PRKD1: variants seen among roughly 807,000 people sequenced by gnomAD.
The protein encoded by PRKD1 is serine/threonine-protein kinase D1.
PRKD1 carries 63 observed loss-of-function variants against 95.9 expected under a neutral mutation model. That is an observed-to-expected ratio of 0.66 (90% CI 0.54 to 0.81). PRKD1 has a LOEUF of 0.81. PRKD1 is among the 30% of genes least tolerant of loss of function. The probability of loss-of-function intolerance (pLI) is 0.00; values close to 1 mark genes in which losing one functional copy is unlikely to be tolerated. For missense variants in PRKD1, 1,048 were observed against 1,165.3 expected, an observed-to-expected ratio of 0.90 and a Z score of 1.47; for synonymous variants, 425 against 423.1, an observed-to-expected ratio of 1.00 and a Z score of -0.05.
intron 1 of PRKD1, among the ~76,000 whole-genome samples, chr14:29,867,450 C>T (rs961291016): frequency 1.3e-5 from 2 of 152,164 alleles, no homozygotes; most frequent in Non-Finnish European, 2.9e-5. Flanking sequence ...GAGAAAGATC[C>T]TGGCCTCATC....
chr14:29,655,829 C>T (rs939722009), intron 4 of PRKD1, among the ~76,000 whole-genome samples: 1 of 151,528 alleles, frequency 6.6e-6, no homozygotes, highest in South Asian at 2.1e-4. Flanking sequence ...TGTGATAACA[C>T]AAAAGGATGG....
intron 1 of PRKD1, among the ~76,000 whole-genome samples, chr14:29,731,696 T>C (rs993563435): frequency 1.3e-5 from 2 of 152,160 alleles, no homozygotes; most frequent in African/African-American, 2.4e-5. Flanking sequence ...TCCCTCTTTA[T>C]ATCTGGCATT....
intron 2 of PRKD1, among the ~76,000 whole-genome samples, chr14:29,701,373 C>T (rs980307387): frequency 7.2e-5 from 11 of 152,096 alleles, no homozygotes; most frequent in East Asian, 1.9e-4. Context: ...GAAGCAATGC[C>T]GTAATGATTT....
intron 2 of PRKD1, among the ~76,000 whole-genome samples, chr14:29,697,149 A>ATG (rs1884566025): frequency 6.8e-6 from 1 of 147,646 alleles, no homozygotes; most frequent in East Asian, 2.0e-4. Flanking sequence ...TTGTAACCAC[A>ATG]TGTCAAAACA....
chr14:29,791,821 G>A (rs1889559512), intron 1 of PRKD1, among the ~76,000 whole-genome samples: 1 of 152,140 alleles, frequency 6.6e-6, no homozygotes, highest in Admixed American at 6.5e-5. Context: ...CCACACCAAG[G>A]TATGGTAAAT....
At chr14:29,672,350 A>G (rs1260381140) in intron 2 of PRKD1, among the ~76,000 whole-genome samples, 3 of 149,032 alleles carry the variant, frequency 2.0e-5, no homozygotes, top group African/African-American at 7.6e-5. Context: ...CAAAAAAAAA[A>G]TAAAATAAAA....
At chr14:29,841,428 TG>T (rs1223367253) in intron 1 of PRKD1, among the ~76,000 whole-genome samples, 1 of 152,204 alleles carries the variant, frequency 6.6e-6, no homozygotes, top group Non-Finnish European at 1.5e-5. Flanking sequence ...CCACATGCTG[TG>T]GGAAGAACCC....
intron 16 of PRKD1, among the ~76,000 whole-genome samples, chr14:29,583,246 G>A (rs1387214895): frequency 6.6e-6 from 1 of 152,256 alleles, no homozygotes; most frequent in East Asian, 1.9e-4. Context: ...TTGGAACATA[G>A]TGCGGTCTTT....
intron 1 of PRKD1, among the ~76,000 whole-genome samples, chr14:29,865,215 G>T (rs1411164115): frequency 6.6e-6 from 1 of 152,082 alleles, no homozygotes; most frequent in African/African-American, 2.4e-5. Flanking sequence ...CACCAGAGTG[G>T]GTGACTGTTT....
chr14:29,822,846 G>C (rs1348478874), intron 1 of PRKD1, among the ~76,000 whole-genome samples: 1 of 152,026 alleles, frequency 6.6e-6, no homozygotes, highest in Non-Finnish European at 1.5e-5. Context: ...TCTTAGTTCA[G>C]TCCCACAACA....
At chr14:29,758,151 C>T (rs987632563) in intron 1 of PRKD1, among the ~76,000 whole-genome samples, 4 of 151,358 alleles carry the variant, frequency 2.6e-5, no homozygotes, top group Non-Finnish European at 1.5e-5. Flanking sequence ...AAAAAACTCT[C>T]CCTACCAAGA....
intron 1 of PRKD1, among the ~76,000 whole-genome samples, chr14:29,878,406 G>A (rs186172976): frequency 6.8e-6 from 1 of 147,138 alleles, no homozygotes; most frequent in Admixed American, 6.8e-5. Flanking sequence ...TCCACTCTTA[G>A]GTATATACTG....
chr14:29,633,510 A>AC (rs1400041868), intron 8 of PRKD1, among the ~76,000 whole-genome samples: 1 of 152,142 alleles, frequency 6.6e-6, no homozygotes, highest in Non-Finnish European at 1.5e-5. Context: ...AACCAACTCT[A>AC]CCTTCTCTCC....
chr14:29,811,337 T>C (rs1208629481), intron 1 of PRKD1, among the ~76,000 whole-genome samples: 1 of 152,132 alleles, frequency 6.6e-6, no homozygotes, highest in African/African-American at 2.4e-5. Flanking sequence ...GGCTGAGTTC[T>C]CTCTCCTTCC....
chr14:29,632,432 T>C (rs1235823881), intron 9 of PRKD1, among the ~76,000 whole-genome samples: 1 of 152,038 alleles, frequency 6.6e-6, no homozygotes, highest in Non-Finnish European at 1.5e-5. Context: ...GCCATTTTTT[T>C]CTCTAGAGGA....
chr14:29,728,955 T>C (rs1414957790), intron 1 of PRKD1, among the ~76,000 whole-genome samples: 1 of 152,160 alleles, frequency 6.6e-6, no homozygotes, highest in Non-Finnish European at 1.5e-5. Context: ...AAGATTGTTT[T>C]GGATATAGGA....
At chr14:29,589,219 G>T (rs927338188) in intron 16 of PRKD1, among the ~76,000 whole-genome samples, 1 of 152,050 alleles carries the variant, frequency 6.6e-6, no homozygotes, top group East Asian at 1.9e-4. Flanking sequence ...GTACTATGAC[G>T]CTAACAAATG....
At chr14:29,890,703 C>T (rs1893909066) in intron 1 of PRKD1, among the ~76,000 whole-genome samples, 1 of 152,072 alleles carries the variant, frequency 6.6e-6, no homozygotes, top group African/African-American at 2.4e-5. Context: ...TTTAGTAACC[C>T]TTCTAAGGGA....
intron 2 of PRKD1, among the ~76,000 whole-genome samples, chr14:29,715,235 A>T (rs1490201819): frequency 1.3e-5 from 2 of 152,010 alleles, no homozygotes; most frequent in Non-Finnish European, 2.9e-5. Context: ...CAGGATGTGC[A>T]TGTGTGTAAA....
Sources: gnomAD v4.1 joint callset for allele counts (sites outside exome capture counted in the v4.1 genomes callset) on GRCh38, gnomAD v4.1.1 for gene constraint, MANE v1.5 for transcripts, NCBI Gene and HGNC (gene_info 2026-07-23, HGNC 2026-07-21) for gene names.